NFIC: variants seen among roughly 807,000 people sequenced by gnomAD.
NFIC encodes nuclear factor 1 C-type.
In NFIC, 12 loss-of-function variants were observed where a neutral mutation model predicts 54.4. The observed-to-expected ratio is 0.22, with a 90% CI of 0.14 to 0.36. The LOEUF is 0.36. NFIC is among the 10% of genes least tolerant of loss of function. The probability of loss-of-function intolerance (pLI) is 1.00; values close to 1 mark genes in which losing one functional copy is unlikely to be tolerated. For missense variants in NFIC, 575 were observed against 718.2 expected (o/e 0.80, Z 2.28); for synonymous variants, 322 against 319.2 (o/e 1.01, Z -0.09).
In NFIC at chr19:3,461,257, C is replaced by CA. The variant is rs57979040; in HGVS notation, c.1510-1479dup. Among the ~76,000 whole-genome samples the CA allele has an allele frequency of 6.9e-3, 541 of 78,146 alleles. 1 individual carries two copies. Among genetic ancestry groups the CA allele is most frequent in the African/African-American group, 0.011 (263 of 23,206 alleles). 51.3% of individuals were successfully genotyped at this position (78,146 alleles called of 152,430 possible). ...TCTACATGGCGAAACCCCACCTCTACAAAAAAAAAAAAAAAACTAGTCAGA... is the reference window on the plus strand; with the variant it reads ...TCTACATGGCGAAACCCCACCTCTACAAAAAAAAAAAAAAAAACTAGTCAGA... On this transcript the variant is annotated intron_variant, in intron 10 of 10. Coordinates refer to ENST00000443272, the MANE Select transcript of NFIC (RefSeq NM_001245002.2).
chr19:3,378,401 C>T (rs550866730), intron 1 of NFIC, among the ~76,000 whole-genome samples: 1 of 152,288 alleles, frequency 6.6e-6, no homozygotes, highest in South Asian at 2.1e-4. Flanking sequence ...CAGCTGAGAT[C>T]CCAAATGCTA....
At position 3,412,559 on chromosome 19, in the gene NFIC, T is replaced by A. The variant is rs191998555; in HGVS notation, c.563-12547T>A. ...GGTGTGAGCCACTGTGCCCAGCCTG[T>A]TCATACGTTTTAAAGAGAGGTGCAG... On this transcript the variant is annotated intron_variant, in intron 2 of 10. Coordinates refer to ENST00000443272, the MANE Select transcript of NFIC (RefSeq NM_001245002.2). Among the ~76,000 whole-genome samples, 9 of 152,234 alleles carry A rather than the reference T, an allele frequency of 5.9e-5. No homozygotes were observed. The East Asian group carries it at 1.5e-3, about 26-fold the overall frequency.
At chr19:3,406,529 T>C (rs1279178752) in intron 2 of NFIC, among the ~76,000 whole-genome samples, 1 of 152,156 alleles carries the variant, frequency 6.6e-6, no homozygotes, top group Non-Finnish European at 1.5e-5. Flanking sequence ...GTCCAGCCAA[T>C]GTCTGTGTGT....
intron 1 of NFIC, among the ~76,000 whole-genome samples, chr19:3,361,099 C>T (rs572869347): frequency 6.6e-6 from 1 of 152,232 alleles, no homozygotes; most frequent in Non-Finnish European, 1.5e-5. Flanking sequence ...CCACTTCCCC[C>T]AGCCTTCGGG....
rs2082752500 is a variant in NFIC, at chr19:3,468,957, C to G, written c.*6188C>G. 1 of 151,780 alleles carries G rather than the reference C, an allele frequency of 6.6e-6. No individual in the cohort carries two copies. The highest frequency in any genetic ancestry group is 2.1e-4 in the South Asian group (1 of 4,802). 9.4% of individuals were successfully genotyped at this position (151,780 alleles called of 1,614,324 possible). A position where few individuals can be genotyped will look rare whatever the true frequency, so the allele number is the denominator to read the frequency against. On this transcript the variant is annotated 3_prime_UTR_variant, in exon 11 of 11. Coordinates refer to ENST00000443272, the MANE Select transcript of NFIC (RefSeq NM_001245002.2). ...GCAGACCCGCCGGCTCTCCCCCCAC[C>G]CCACCCCGCCCCTCACATCATACTC...
chr19:3,389,452 C>T (rs898321305), intron 2 of NFIC, among the ~76,000 whole-genome samples: 1 of 152,208 alleles, frequency 6.6e-6, no homozygotes, highest in African/African-American at 2.4e-5. Flanking sequence ...TATTGATCTT[C>T]ATCCCGGTTG....
At chr19:3,398,535 A>G (rs571995414) in intron 2 of NFIC, among the ~76,000 whole-genome samples, 3 of 152,050 alleles carry the variant, frequency 2.0e-5, no homozygotes, top group African/African-American at 7.2e-5. Flanking sequence ...ATCCTTTCAC[A>G]CACTGGAAAC....
In NFIC at chr19:3,416,543, C is replaced by CA. The variant is rs2081857182; in HGVS notation, c.563-8562dup. On this transcript the variant is annotated intron_variant, in intron 2 of 10. Coordinates refer to ENST00000443272, the MANE Select transcript of NFIC (RefSeq NM_001245002.2). ...ATTATTATTATTATTATTTTTGAGA[C>CA]AGAGTTTCACTCTTGTTGCCCAGGC... is the stretch of plus-strand genomic sequence containing the variant. 2.0e-5 allele frequency among the ~76,000 whole-genome samples: 3 copies of CA among 150,988 alleles called. No homozygotes were observed. In the South Asian group the frequency reaches 6.2e-4, roughly 31 times the overall value.
chr19:3,422,597 GT>G (rs2081969751), intron 2 of NFIC, among the ~76,000 whole-genome samples: 1 of 150,930 alleles, frequency 6.6e-6, no homozygotes, highest in South Asian at 2.1e-4. Context: ...GGTGCCTGTA[GT>G]CCCAGCTACT....
In NFIC at chr19:3,453,391, C is replaced by G. The variant is rs540168758; in HGVS notation, c.1270-372C>G. Reference sequence around the variant, plus strand: ...CGGACTTTGGAACCACGGGCCAGGCCGTGGATGATGGTGGATGATGGCGTG... The same window carrying G: ...CGGACTTTGGAACCACGGGCCAGGCGGTGGATGATGGTGGATGATGGCGTG... On this transcript the variant is annotated intron_variant, in intron 8 of 10. Coordinates refer to ENST00000443272, the MANE Select transcript of NFIC (RefSeq NM_001245002.2). The surrounding 1 kb of genome is among the most constrained non-coding windows in gnomAD (Gnocchi z 6.7). Among the ~76,000 whole-genome samples, 3 of 152,108 alleles carry G rather than the reference C, an allele frequency of 2.0e-5. No individual in the cohort carries two copies. Among genetic ancestry groups the G allele is most frequent in the Admixed American group, 6.5e-5 (1 of 15,272 alleles).
intron 2 of NFIC, among the ~76,000 whole-genome samples, chr19:3,407,328 T>A (rs981854508): frequency 2.0e-5 from 3 of 152,010 alleles, no homozygotes; most frequent in Non-Finnish European, 4.4e-5. Context: ...TTAGCCAGGA[T>A]GGTCTCGATC....
Position 3,452,657 on chromosome 19 carries a change from A to C in NFIC, c.1260A>C (p.Gln420His). 1 of 1,606,772 alleles carries C rather than the reference A, an allele frequency of 6.2e-7. No homozygotes were observed. The change falls in exon 8 of 11, where the codon CAA becomes CAC. Residue 420 changes from glutamine to histidine, a missense_variant. This residue lies in a region of NFIC where 447 missense variants were observed against 526.9 expected (regional missense o/e 0.85). Coordinates refer to ENST00000443272, the MANE Select transcript of NFIC (RefSeq NM_001245002.2). This position sits in a 1 kb window ranked among gnomAD's most constrained non-coding sequence, Gnocchi z 5.3. ...TGGCCTGCGACCCAGCCAGCCAGCA[A>C]CCTGGACCGGTGAGTTGGGCGGGGC... ...VSLACDPASQQPGPLNGSGQL... is the reference protein window; with the variant it reads ...VSLACDPASQHPGPLNGSGQL...
chr19:3,460,499 T>C (rs950207680), intron 10 of NFIC, among the ~76,000 whole-genome samples: 8 of 152,034 alleles, frequency 5.3e-5, no homozygotes, highest in Non-Finnish European at 7.4e-5. Flanking sequence ...GGAGAATTTT[T>C]TTTTGTTTTT....
chr19:3,414,629 AAAATAAAATAAAATAAAAT>A (rs2081821426), intron 2 of NFIC, among the ~76,000 whole-genome samples: 1 of 150,432 alleles, frequency 6.6e-6, no homozygotes, highest in Non-Finnish European at 1.5e-5. Context: ...AAAATAAAAT[AAAATAAAATAAAATAAAAT>A]AAGGAAAAGA....
At chr19:3,413,075 A>G (rs1030162309) in intron 2 of NFIC, among the ~76,000 whole-genome samples, 1 of 152,094 alleles carries the variant, frequency 6.6e-6, no homozygotes, top group Non-Finnish European at 1.5e-5. Flanking sequence ...CAGCCTTCCG[A>G]GTAGCTGGGA....
rs10617203 is a variant in NFIC at position 3,465,430 on chromosome 19, T to TAAAAAAAAAAAAAAAA, written c.*2670_*2685dup. ...AATAAAAAATAAGAAAGTGAGAATC[T>TAAAAAAAAAAAAAAAA]AAAAAAAAAAAAAAAAAAAAAAAAG... is the stretch of plus-strand genomic sequence containing the variant. On this transcript the variant is annotated 3_prime_UTR_variant, in exon 11 of 11. Transcript: ENST00000443272. The TAAAAAAAAAAAAAAAA allele has an allele frequency of 1.6e-5, 1 of 60,812 alleles. No individual in the cohort carries two copies. The highest frequency in any genetic ancestry group is 5.9e-5 in the African/African-American group (1 of 17,088). 3.8% of individuals were successfully genotyped at this position (60,812 alleles called of 1,614,324 possible). A position where few individuals can be genotyped will look rare whatever the true frequency, so the allele number is the denominator to read the frequency against.
At position 3,429,136 on chromosome 19, in the gene NFIC, T is replaced by TACAC. The variant is rs57006287; in HGVS notation, c.634+3994_634+3997dup. Among the ~76,000 whole-genome samples, 433 of 83,812 alleles carry TACAC rather than the reference T, an allele frequency of 5.2e-3. 5 individuals are homozygous for TACAC. The highest frequency in any genetic ancestry group is 0.018 in the African/African-American group (358 of 20,194). 55.0% of individuals were successfully genotyped at this position (83,812 alleles called of 152,430 possible). Reference sequence around the variant, plus strand: ...CCTATCTCTACCCAAAAAAAAAATATACACACACACACACACACACACACA... The same window carrying TACAC: ...CCTATCTCTACCCAAAAAAAAAATATACACACACACACACACACACACACACACA... On this transcript the variant is annotated intron_variant, in intron 3 of 10. Transcript: ENST00000443272.
At chr19:3,385,573 GTTTT>G (rs569020735) in intron 2 of NFIC, among the ~76,000 whole-genome samples, 1 of 109,276 alleles carries the variant, frequency 9.2e-6, no homozygotes, top group Non-Finnish European at 2.0e-5. Context: ...GGTTGTTGTT[GTTTT>G]TTTTTTTTTT....
chr19:3,410,377 C>G (rs1255306661), intron 2 of NFIC, among the ~76,000 whole-genome samples: 1 of 152,156 alleles, frequency 6.6e-6, no homozygotes, highest in African/African-American at 2.4e-5. Flanking sequence ...TGAGGAAAGT[C>G]CTGAATGAGG....
Sources: gnomAD v4.1 joint callset for allele counts (sites outside exome capture counted in the v4.1 genomes callset) on GRCh38, gnomAD v4.1.1 for gene constraint, gnomAD v4.1.1 regional missense constraint, Gnocchi (gnomAD v3.1) non-coding constraint, MANE v1.5 for transcripts, NCBI Gene and HGNC (gene_info 2026-07-23, HGNC 2026-07-21) for gene names.